ANKS1B: variants seen among roughly 807,000 people sequenced by gnomAD.
The protein encoded by ANKS1B is ankyrin repeat and sterile alpha motif domain containing 1B, also known as ankyrin repeat and sterile alpha motif domain-containing protein 1B.
In ANKS1B, 36 loss-of-function variants were observed where a neutral mutation model predicts 148.3. That is an observed-to-expected ratio of 0.24 (90% CI 0.19 to 0.32). The LOEUF (loss-of-function observed/expected upper bound fraction) is 0.32. ANKS1B is among the 10% of genes least tolerant of loss of function. The pLI, the probability that ANKS1B is intolerant of heterozygous loss-of-function variation, is 1.00. For missense variants in ANKS1B, 1,157 were observed against 1,542.6 expected, an observed-to-expected ratio of 0.75 and a Z score of 4.19; for synonymous variants, 542 against 560.8, an observed-to-expected ratio of 0.97 and a Z score of 0.47.
chr12:98,906,707 G>A (rs1230820898), intron 17 of ANKS1B, among the ~76,000 whole-genome samples: 1 of 152,050 alleles, frequency 6.6e-6, no homozygotes, highest in Non-Finnish European at 1.5e-5. Context: ...ACAAATCTGG[G>A]GATATTAATT....
intron 12 of ANKS1B, among the ~76,000 whole-genome samples, chr12:99,299,710 T>C (rs1224388947): frequency 6.6e-6 from 1 of 152,214 alleles, no homozygotes; most frequent in Non-Finnish European, 1.5e-5. Context: ...AGGACATATC[T>C]ATATGCATAC....
At chr12:99,569,184 T>A (rs1488512420) in intron 9 of ANKS1B, among the ~76,000 whole-genome samples, 2 of 152,210 alleles carry the variant, frequency 1.3e-5, no homozygotes, top group Non-Finnish European at 2.9e-5. Flanking sequence ...AAAAAACATA[T>A]ATTGTTAACC....
intron 20 of ANKS1B, among the ~76,000 whole-genome samples, chr12:98,806,615 G>A (rs1260396328): frequency 1.3e-5 from 2 of 152,134 alleles, no homozygotes; most frequent in African/African-American, 4.8e-5. Context: ...ACAGCTCTAT[G>A]CTTATAAATA....
chr12:99,598,081 T>C (rs1251221782), intron 9 of ANKS1B, among the ~76,000 whole-genome samples: 2 of 152,010 alleles, frequency 1.3e-5, no homozygotes, highest in Non-Finnish European at 2.9e-5. Context: ...ACCATCTGAG[T>C]CTTGTATCCA....
At chr12:99,226,387 C>T (rs540346314) in intron 14 of ANKS1B, among the ~76,000 whole-genome samples, 11 of 152,192 alleles carry the variant, frequency 7.2e-5, no homozygotes, top group Non-Finnish European at 1.3e-4. Context: ...TGGTATTTCA[C>T]GTATGTTTTA....
intron 1 of ANKS1B, among the ~76,000 whole-genome samples, chr12:99,916,040 G>A (rs2094160814): frequency 6.6e-6 from 1 of 152,138 alleles, no homozygotes; most frequent in African/African-American, 2.4e-5. Context: ...TGATCTCATG[G>A]TTACTCATTA....
intron 16 of ANKS1B, among the ~76,000 whole-genome samples, chr12:99,067,234 C>T (rs1405764492): frequency 1.3e-5 from 2 of 152,186 alleles, no homozygotes; most frequent in African/African-American, 4.8e-5. Flanking sequence ...GATATTGGTG[C>T]CCTCAACATT....
At chr12:99,117,358 T>C (rs2153714757) in intron 15 of ANKS1B, among the ~76,000 whole-genome samples, 1 of 152,316 alleles carries the variant, frequency 6.6e-6, no homozygotes, top group Admixed American at 6.5e-5. Context: ...CTCTTATTAT[T>C]TTGAGATAAG....
chr12:99,408,702 A>G lies in ANKS1B; in HGVS notation c.1576-8891T>C, dbSNP rs978830869. Reference sequence around the variant, plus strand: ...AAATGGGCAAAAGATCAGAATAGACATTTCTCAAAAGAAGACATACAAATG... The same window carrying G: ...AAATGGGCAAAAGATCAGAATAGACGTTTCTCAAAAGAAGACATACAAATG... On this transcript the variant is annotated intron_variant, in intron 11 of 26. Coordinates refer to ENST00000683438, the MANE Select transcript of ANKS1B (RefSeq NM_001352186.2). Among the ~76,000 whole-genome samples, 11 of 146,410 alleles carry G rather than the reference A, an allele frequency of 7.5e-5. 2 individuals are homozygous for G. The highest frequency in any genetic ancestry group is 7.7e-5 in the African/African-American group (3 of 38,714).
intron 17 of ANKS1B, among the ~76,000 whole-genome samples, chr12:98,963,278 C>G (rs1038193889): frequency 6.6e-6 from 1 of 151,532 alleles, no homozygotes; most frequent in Non-Finnish European, 1.5e-5. Context: ...CTCCTGGGTT[C>G]AAGCAATTCT....
At chr12:99,360,406 T>C (rs2152426296) in intron 12 of ANKS1B, among the ~76,000 whole-genome samples, 1 of 152,252 alleles carries the variant, frequency 6.6e-6, no homozygotes, top group South Asian at 2.1e-4. Context: ...AAAGGCCAAA[T>C]ATCGAATACT....
At chr12:99,861,913 T>C (rs1488628667) in intron 1 of ANKS1B, among the ~76,000 whole-genome samples, 1 of 150,204 alleles carries the variant, frequency 6.7e-6, no homozygotes, top group South Asian at 2.1e-4. Flanking sequence ...CAGAAAAAAA[T>C]TAACACTTTT....
intron 10 of ANKS1B, among the ~76,000 whole-genome samples, chr12:99,473,544 A>G (rs1278288859): frequency 2.0e-5 from 3 of 152,000 alleles, no homozygotes; most frequent in African/African-American, 4.8e-5. Flanking sequence ...TGGAGTACCA[A>G]TTTATAGTCC....
intron 9 of ANKS1B, among the ~76,000 whole-genome samples, chr12:99,535,565 T>C (rs992501386): frequency 2.6e-5 from 4 of 152,176 alleles, no homozygotes; most frequent in Non-Finnish European, 5.9e-5. Context: ...GCGCTGTATA[T>C]CCCAACATGC....
At chr12:98,905,263 T>A (rs1157437490) in intron 17 of ANKS1B, among the ~76,000 whole-genome samples, 1 of 152,226 alleles carries the variant, frequency 6.6e-6, no homozygotes, top group African/African-American at 2.4e-5. Context: ...CTGGGCAAGC[T>A]ACTATGAAGC....
intron 12 of ANKS1B, among the ~76,000 whole-genome samples, chr12:99,295,722 A>G (rs887477174): frequency 6.6e-6 from 1 of 152,150 alleles, no homozygotes; most frequent in African/African-American, 2.4e-5. Context: ...TAAGCCTGGT[A>G]CACATTAGTT....
intron 8 of ANKS1B, among the ~76,000 whole-genome samples, chr12:99,690,678 C>A (rs1004379619): frequency 2.0e-5 from 3 of 152,316 alleles, no homozygotes; most frequent in African/African-American, 7.2e-5. Context: ...TGGCCTTAGG[C>A]AGCTCCACCC....
At chr12:99,682,196 G>A (rs2098623870) in intron 8 of ANKS1B, among the ~76,000 whole-genome samples, 1 of 152,082 alleles carries the variant, frequency 6.6e-6, no homozygotes, top group Admixed American at 6.6e-5. Context: ...GCACTAGACA[G>A]GTCATCAAGT....
chr12:98,748,877 A>G (rs942242575), intron 26 of ANKS1B, among the ~76,000 whole-genome samples: 12 of 152,192 alleles, frequency 7.9e-5, no homozygotes, highest in African/African-American at 2.9e-4. Context: ...TGCTGTGAAC[A>G]GATTTATTCA....
Sources: gnomAD v4.1 joint callset for allele counts (sites outside exome capture counted in the v4.1 genomes callset) on GRCh38, gnomAD v4.1.1 for gene constraint, MANE v1.5 for transcripts, NCBI Gene and HGNC (gene_info 2026-07-23, HGNC 2026-07-21) for gene names.